The following SGCZ variants were observed in gnomAD, a reference collection of about 807,000 sequenced individuals.
SGCZ encodes zeta-sarcoglycan.
SGCZ carries 40 observed loss-of-function variants against 41.3 expected under a neutral mutation model. The observed-to-expected ratio is 0.97, with a 90% CI of 0.75 to 1.26. The LOEUF (loss-of-function observed/expected upper bound fraction) is 1.26. Ranked by LOEUF, SGCZ falls within the 50% of genes most tolerant of loss-of-function variation. SGCZ has a pLI of 0.00. For synonymous variants in SGCZ, 206 were observed against 137.5 expected (o/e 1.50, Z -3.49); for missense variants, 552 against 369.8 (o/e 1.49, Z -4.04).
rs1013411786 is a variant in SGCZ at position 14,955,240 on chromosome 8, A to G, written c.39+282345T>C. ...GCTTGTCACTTGCTTCTTTTCTTCA[A>G]TGTTATGTTTGTGAAACCCATCCAT... On this transcript the variant is annotated intron_variant, in intron 1 of 7. Coordinates refer to ENST00000382080, the MANE Select transcript of SGCZ (RefSeq NM_139167.4). Among the ~76,000 whole-genome samples, 6 of 152,022 alleles carry G rather than the reference A, an allele frequency of 3.9e-5. No individual in the cohort carries two copies. In the East Asian group the frequency reaches 1.2e-3, roughly 29 times the overall value.
At chr8:15,096,712 A>C (rs1475013428) in intron 1 of SGCZ, among the ~76,000 whole-genome samples, 1 of 151,976 alleles carries the variant, frequency 6.6e-6, no homozygotes. Flanking sequence ...TTTGAGACAC[A>C]GTCTCGCTCT....
chr8:14,290,704 T>G (rs2116943846), intron 3 of SGCZ, among the ~76,000 whole-genome samples: 1 of 148,474 alleles, frequency 6.7e-6, no homozygotes, highest in Middle Eastern at 3.4e-3. Flanking sequence ...AATAAGAATG[T>G]GGAGAATAGT....
intron 3 of SGCZ, among the ~76,000 whole-genome samples, chr8:14,295,978 A>G (rs909362896): frequency 6.6e-6 from 1 of 152,198 alleles, no homozygotes; most frequent in Non-Finnish European, 1.5e-5. Context: ...CAGCTACTGG[A>G]GAACTGTGAG....
At chr8:15,059,718 A>G (rs896599907) in intron 1 of SGCZ, among the ~76,000 whole-genome samples, 1 of 152,208 alleles carries the variant, frequency 6.6e-6, no homozygotes, top group Non-Finnish European at 1.5e-5. Context: ...TGAATCATCA[A>G]AAGTATGGGA....
intron 2 of SGCZ, among the ~76,000 whole-genome samples, chr8:14,365,300 T>C (rs575987455): frequency 2.0e-5 from 3 of 152,230 alleles, no homozygotes; most frequent in South Asian, 2.1e-4. Flanking sequence ...ATTTCACTAA[T>C]AGTTAATTAC....
At chr8:15,024,805 G>T (rs62493672) in intron 1 of SGCZ, among the ~76,000 whole-genome samples, 20,365 of 151,906 alleles carry the variant, frequency 0.13, 1,597 homozygotes, top group East Asian at 0.26. Context: ...GCATGGTGGC[G>T]AGCACCTGTA....
intron 1 of SGCZ, among the ~76,000 whole-genome samples, chr8:15,155,624 A>G (rs1035105756): frequency 6.6e-6 from 1 of 152,240 alleles, no homozygotes; most frequent in Admixed American, 6.5e-5. Flanking sequence ...TCATATTAAT[A>G]TAATTCTCTG....
intron 1 of SGCZ, among the ~76,000 whole-genome samples, chr8:14,758,307 T>G (rs1286282025): frequency 4.6e-5 from 7 of 152,226 alleles, no homozygotes; most frequent in Admixed American, 4.6e-4. Context: ...GCTTTATCTC[T>G]CACATTCTTT....
intron 1 of SGCZ, among the ~76,000 whole-genome samples, chr8:14,724,333 A>C (rs1809984370): frequency 6.6e-6 from 1 of 151,500 alleles, no homozygotes; most frequent in Non-Finnish European, 1.5e-5. Context: ...ATGTGTTCTA[A>C]TTATTTTTTT....
intron 3 of SGCZ, among the ~76,000 whole-genome samples, chr8:14,259,938 C>G (rs1184180302): frequency 6.6e-6 from 1 of 152,108 alleles, no homozygotes; most frequent in Non-Finnish European, 1.5e-5. Context: ...TCTTCCTACC[C>G]ATGAGCATGG....
intron 1 of SGCZ, among the ~76,000 whole-genome samples, chr8:15,128,083 T>C (rs185767636): frequency 3.9e-5 from 6 of 152,336 alleles, no homozygotes; most frequent in African/African-American, 1.4e-4. Context: ...AGACCCTTTT[T>C]TAAAGATACC....
intron 2 of SGCZ, among the ~76,000 whole-genome samples, chr8:14,382,428 C>A (rs10102919): frequency 0.97 from 146,447 of 150,586 alleles, 71,299 homozygotes; most frequent in Non-Finnish European, 1. Context: ...TAAAAAAAAA[C>A]ACAATACCAT....
At chr8:14,674,961 T>C (rs1326924915) in intron 1 of SGCZ, among the ~76,000 whole-genome samples, 1 of 120,356 alleles carries the variant, frequency 8.3e-6, no homozygotes, top group East Asian at 2.7e-4. Context: ...TTTTTTGAGA[T>C]GGAGTCTCCC....
intron 2 of SGCZ, among the ~76,000 whole-genome samples, chr8:14,528,827 C>CAAAAAAAAAA (rs760788606): frequency 3.8e-4 from 20 of 52,662 alleles, no homozygotes; most frequent in African/African-American, 1.9e-3. Flanking sequence ...ACGGACCAGC[C>CAAAAAAAAAA]AAAAAAAAAA....
chr8:14,743,770 G>C (rs562181551), intron 1 of SGCZ, among the ~76,000 whole-genome samples: 3 of 151,802 alleles, frequency 2.0e-5, no homozygotes, highest in Admixed American at 6.6e-5. Context: ...AGAAACTAAA[G>C]AATAAAAGTC....
intron 2 of SGCZ, among the ~76,000 whole-genome samples, chr8:14,545,316 T>G (rs1002283291): frequency 6.6e-6 from 1 of 152,112 alleles, no homozygotes; most frequent in African/African-American, 2.4e-5. Context: ...TAGAAATTCT[T>G]GCCCAATAAG....
intron 2 of SGCZ, among the ~76,000 whole-genome samples, chr8:14,509,384 G>T (rs1280891600): frequency 1.3e-5 from 2 of 152,074 alleles, no homozygotes; most frequent in African/African-American, 2.4e-5. Context: ...GAGTTAAAAT[G>T]ACAGAAAATG....
chr8:14,970,681 T>C (rs1406215398), intron 1 of SGCZ, among the ~76,000 whole-genome samples: 2 of 152,208 alleles, frequency 1.3e-5, no homozygotes, highest in African/African-American at 4.8e-5. Context: ...TTTGTACTAA[T>C]GCTGTACTGA....
At chr8:14,549,878 C>G (rs1390825515) in intron 2 of SGCZ, among the ~76,000 whole-genome samples, 1 of 151,794 alleles carries the variant, frequency 6.6e-6, no homozygotes, top group South Asian at 2.1e-4. Context: ...TAGGAGGTAA[C>G]AAGTTAGTTT....
Sources: gnomAD v4.1 joint callset for allele counts (sites outside exome capture counted in the v4.1 genomes callset) on GRCh38, gnomAD v4.1.1 for gene constraint, MANE v1.5 for transcripts, NCBI Gene and HGNC (gene_info 2026-07-23, HGNC 2026-07-21) for gene names.